The following C5orf34 variants were observed in gnomAD, a reference collection of about 807,000 sequenced individuals.
C5orf34 encodes the protein uncharacterized protein C5orf34.
A neutral mutation model predicts 78.4 loss-of-function variants in C5orf34; 73 were observed. The ratio of observed to expected loss-of-function variants is 0.93; its 90% confidence interval spans 0.77 to 1.13. C5orf34 has a LOEUF of 1.13. Among genes scored for constraint, C5orf34 ranks in the 50% most tolerant of loss-of-function variants. The pLI is 0.00. For missense variants in C5orf34, 730 were observed against 732.7 expected, an observed-to-expected ratio of 1.00 and a Z score of 0.04; for synonymous variants, 251 against 246.6, an observed-to-expected ratio of 1.02 and a Z score of -0.17.
At chr5:43,502,561 T>G (rs560668804) in intron 5 of C5orf34, 66 bp from the exon 6 acceptor site, 2 of 932,300 alleles carry the variant, frequency 2.1e-6, no homozygotes, top group Non-Finnish European at 3.3e-6. Flanking sequence ...ATGAAGATAG[T>G]CATCAAAAAA....
chr5:43,512,406 C>T (rs1358540357), intron 1 of C5orf34, among the ~76,000 whole-genome samples: 1 of 152,254 alleles, frequency 6.6e-6, no homozygotes, highest in East Asian at 1.9e-4. Context: ...AACCTTCTCT[C>T]CTATCAGTCT....
Position 43,508,589 on chromosome 5 carries a change from A to G in C5orf34, c.273T>C (p.Ser91=). The change falls in exon 3 of 13, where the codon TCT becomes TCC. Residue 91 remains serine (S), a synonymous_variant. Coordinates refer to ENST00000306862, the MANE Select transcript of C5orf34 (RefSeq NM_198566.4). ...CPFLSETIIP[S]ERKKHIFIDI... is the part of the protein sequence containing the mutation. ...TTAAAAAAATCACCTTTTTTCTTTC[A>G]GAAGGTATGATGGTTTCAGATAAAA... 2 of 1,596,474 alleles carry G rather than the reference A, an allele frequency of 1.3e-6. No homozygotes were observed. Among genetic ancestry groups the G allele is most frequent in the Non-Finnish European group, 1.7e-6 (2 of 1,168,346 alleles).
At chr5:43,496,427 T>C in intron 6 of C5orf34, 3 of 1,592,934 alleles carry the variant, frequency 1.9e-6, no homozygotes, top group East Asian at 2.2e-5. Context: ...ATGACGACAA[T>C]GTTGATATGA....
intron 11 of C5orf34, 21 bp downstream of exon 11, chr5:43,490,610 T>A: frequency 6.9e-7 from 1 of 1,455,894 alleles, no homozygotes; most frequent in Non-Finnish European, 9.6e-7. Flanking sequence ...CTAAACAGAT[T>A]TAAGTTTAAA....
intron 1 of C5orf34, among the ~76,000 whole-genome samples, chr5:43,509,631 A>G (rs548087961): frequency 4.6e-5 from 7 of 152,342 alleles, no homozygotes; most frequent in Admixed American, 1.3e-4. Flanking sequence ...TTATAATTTT[A>G]ATAGCTTCAC....
intron 11 of C5orf34, 48 bp from the exon 12 acceptor site, chr5:43,487,997 T>C (rs1336848195): frequency 2.1e-6 from 3 of 1,453,040 alleles, no homozygotes; most frequent in Admixed American, 3.9e-5. Flanking sequence ...GATTCTTTTG[T>C]ATTCATGATA....
At chr5:43,494,993 TG>T in intron 6 of C5orf34, 1 of 1,142,636 alleles carries the variant, frequency 8.8e-7, no homozygotes, top group Non-Finnish European at 1.3e-6. Context: ...TAAACTTAAA[TG>T]GCCAATTGAA....
chr5:43,489,992 A>G (rs1326751840), intron 11 of C5orf34, among the ~76,000 whole-genome samples: 1 of 152,122 alleles, frequency 6.6e-6, no homozygotes, highest in Non-Finnish European at 1.5e-5. Flanking sequence ...CTAGCCCTCA[A>G]AACTCATACT....
At position 43,486,954 on chromosome 5, in the gene C5orf34, A is replaced by G. The variant is rs779100365; in HGVS notation, c.1878T>C (p.Leu626=). The G allele has an allele frequency of 2.6e-6, 4 of 1,559,252 alleles. No individual in the cohort carries two copies. The highest frequency in any genetic ancestry group is 1.2e-5 in the South Asian group (1 of 81,570). ...SIALKKTSEI[L]HDIDCLLSNS... ...TTGATAGAAGACAGTCAATATCGTG[A>G]AGGATTTCAGAGGTTTTTTTCAATG... The change falls in exon 13 of 13, where the codon CTT becomes CTC. Residue 626 remains leucine, a synonymous_variant. Transcript: ENST00000306862.
intron 6 of C5orf34, chr5:43,495,116 C>T: frequency 6.3e-7 from 1 of 1,581,968 alleles, no homozygotes; most frequent in Non-Finnish European, 8.7e-7. Flanking sequence ...CGTGACCTTG[C>T]CACCTCCAGC....
chr5:43,505,602 T>A (rs1262950107), intron 4 of C5orf34, 146 bp downstream of exon 4: 1 of 701,772 alleles, frequency 1.4e-6, no homozygotes, highest in African/African-American at 1.8e-5. Context: ...ACACATTTGC[T>A]AGGGAAATTA....
chr5:43,510,674 C>T (rs548288321), intron 1 of C5orf34, among the ~76,000 whole-genome samples: 103 of 152,310 alleles, frequency 6.8e-4, no homozygotes, highest in African/African-American at 2.3e-3. Flanking sequence ...AGCTCCTAAC[C>T]GCGAGTGATC....
chr5:43,488,980 G>C (rs531675562), intron 11 of C5orf34, among the ~76,000 whole-genome samples: 1 of 152,046 alleles, frequency 6.6e-6, no homozygotes, highest in Admixed American at 6.5e-5. Flanking sequence ...TCTTTCCCTT[G>C]TACTCCAGCC....
chr5:43,503,787 A>G (rs777900218), intron 4 of C5orf34, 27 bp from the exon 5 acceptor site: 5 of 1,438,326 alleles, frequency 3.5e-6, no homozygotes, highest in African/African-American at 2.8e-5. Flanking sequence ...ACAAGCTATT[A>G]CTTCTGGTTG....
chr5:43,510,474 T>G (rs1438265405), intron 1 of C5orf34, among the ~76,000 whole-genome samples: 1 of 152,166 alleles, frequency 6.6e-6, no homozygotes, highest in East Asian at 1.9e-4. Context: ...CTTTCTACGG[T>G]CTCCCTCTGA....
At chr5:43,514,626 A>G (rs1746405919) in intron 1 of C5orf34, among the ~76,000 whole-genome samples, 180 bp downstream of exon 1, 2 of 152,172 alleles carry the variant, frequency 1.3e-5, no homozygotes, top group Admixed American at 1.3e-4. Context: ...TCTCATCTCT[A>G]CAGTCTCATT....
chr5:43,501,342 A>G (rs902862942), intron 6 of C5orf34, among the ~76,000 whole-genome samples: 1 of 121,626 alleles, frequency 8.2e-6, no homozygotes, highest in Admixed American at 9.6e-5. Context: ...TTGCCTGTCT[A>G]ACTGAACACA....
rs148931315 is a variant in C5orf34 at position 43,501,297 on chromosome 5, A to C, written c.1152+1075T>G. ...CACATACACACATATATACGTATACATGTTACTGGGCATGCTTGTATCTCA... is the reference window on the plus strand; with the variant it reads ...CACATACACACATATATACGTATACCTGTTACTGGGCATGCTTGTATCTCA... On this transcript the variant is annotated intron_variant, in intron 6 of 12. Transcript: ENST00000306862. 1.7e-3 allele frequency among the ~76,000 whole-genome samples: 264 copies of C among 152,284 alleles called. 1 individual carries two copies. The highest frequency in any genetic ancestry group is 6.1e-3 in the African/African-American group (252 of 41,544).
In C5orf34 at chr5:43,505,885, G is replaced by A. The variant is rs751424317; in HGVS notation, c.795C>T (p.Ile265=). Residue 265 remains isoleucine (I), a synonymous_variant, in exon 4 of 13, where the codon ATC becomes ATT. Coordinates refer to ENST00000306862, the MANE Select transcript of C5orf34 (RefSeq NM_198566.4). ...LSLALHFHNK[I]SNMSKIDAHI... is the part of the protein sequence containing the mutation. ...GTGCATCAATTTTAGACATATTGCT[G>A]ATTTTATTATGAAAATGAAGTGCTA... 1.3e-5 allele frequency: 21 copies of A among 1,613,798 alleles called. No homozygotes were observed. The highest frequency in any genetic ancestry group is 2.2e-5 in the South Asian group (2 of 91,062).
Sources: allele counts gnomAD v4.1 joint callset (sites outside exome capture counted in the v4.1 genomes callset), GRCh38; gene constraint gnomAD v4.1.1; transcripts MANE v1.5; gene names NCBI Gene and HGNC (gene_info 2026-07-23, HGNC 2026-07-21).